The following UGGT1 variants were observed in gnomAD, a reference collection of about 807,000 sequenced individuals.
The protein encoded by UGGT1 is UDP-glucose:glycoprotein glucosyltransferase 1.
UGGT1 carries 107 observed loss-of-function variants against 203.9 expected under a neutral mutation model. That is an observed-to-expected ratio of 0.52 (90% confidence interval 0.45 to 0.62). The LOEUF (loss-of-function observed/expected upper bound fraction) is 0.62. Among genes scored for constraint, UGGT1 ranks in the 20% least tolerant of loss-of-function variants. UGGT1 has a pLI of 0.00. For missense variants in UGGT1, 1,673 were observed against 1,867.2 expected (o/e 0.90, Z 1.92); for synonymous variants, 628 against 653.5 (o/e 0.96, Z 0.59).
At chr2:128,124,181 C>A (rs1393023183) in intron 11 of UGGT1, among the ~76,000 whole-genome samples, 1 of 152,172 alleles carries the variant, frequency 6.6e-6, no homozygotes, top group Non-Finnish European at 1.5e-5. Flanking sequence ...CTCCTGACCT[C>A]ATGATCCACC....
intron 11 of UGGT1, among the ~76,000 whole-genome samples, chr2:128,124,021 C>T (rs1272252803): frequency 6.6e-6 from 1 of 152,196 alleles, no homozygotes; most frequent in African/African-American, 2.4e-5. Flanking sequence ...TCTCAGCTCA[C>T]TGCAAGCTCC....
intron 2 of UGGT1, among the ~76,000 whole-genome samples, chr2:128,103,486 C>T (rs1013278886): frequency 1.3e-5 from 2 of 152,178 alleles, no homozygotes; most frequent in South Asian, 2.1e-4. Flanking sequence ...AATTTTTCTA[C>T]GGTTCATATT....
rs769999041 is a variant in UGGT1, at chr2:128,121,233, T to C, written c.1008T>C (p.Ala336=). The C allele has an allele frequency of 8.7e-6, 14 of 1,613,876 alleles. No individual in the cohort carries two copies. The African/African-American group carries it at 1.9e-4, about 22-fold the overall frequency. ...LSFQTAARIL[A]SPVELALVVM... ...TCCAGACTGCTGCTCGAATCTTGGCTTCTCCTGTTGAGTTGGCTTTGGTTG... is the reference window on the plus strand; with the variant it reads ...TCCAGACTGCTGCTCGAATCTTGGCCTCTCCTGTTGAGTTGGCTTTGGTTG... The change falls in exon 10 of 41, where the codon GCT becomes GCC. Residue 336 remains alanine, a synonymous_variant. Transcript: ENST00000259253.
chr2:128,176,832 T>TC lies in UGGT1; in HGVS notation c.3563dup (p.Asp1189Ter). The TC allele has an allele frequency of 6.2e-7, 1 of 1,613,950 alleles. No individual in the cohort carries two copies. Among genetic ancestry groups the TC allele is most frequent in the Non-Finnish European group, 8.5e-7 (1 of 1,179,974 alleles). ...CGCAAAGCCACGATGGCACTGATTCTCCCCCTGATGCTGATGAGGTGGTTA... is the reference window on the plus strand; with the variant it reads ...CGCAAAGCCACGATGGCACTGATTCTCCCCCCTGATGCTGATGAGGTGGTTA... On this transcript the variant is annotated frameshift_variant, in exon 32 of 41. Coordinates refer to ENST00000259253, the MANE Select transcript of UGGT1 (RefSeq NM_020120.4). LOFTEE classifies it high-confidence loss of function.
intron 16 of UGGT1, among the ~76,000 whole-genome samples, chr2:128,141,248 C>T (rs949798711): frequency 6.6e-6 from 1 of 151,708 alleles, no homozygotes. Context: ...CATTTGAGGT[C>T]AGGAATTCGA....
intron 36 of UGGT1, among the ~76,000 whole-genome samples, chr2:128,181,823 G>A (rs962038780): frequency 3.9e-5 from 6 of 152,190 alleles, no homozygotes; most frequent in Admixed American, 1.3e-4. Flanking sequence ...CAGCAACCCT[G>A]TGAGATAGGT....
At position 128,182,698 on chromosome 2, in the gene UGGT1, C is replaced by CAA. The variant is rs70988612; in HGVS notation, c.4244+422_4244+423dup. Among the ~76,000 whole-genome samples the CAA allele has an allele frequency of 9.8e-4, 116 of 118,266 alleles. 2 individuals carry two copies. The highest frequency in any genetic ancestry group is 5.1e-3 in the East Asian group (21 of 4,154). The allele number at this position is 118,266 out of a possible 152,430, so 77.6% of individuals were successfully genotyped here. A position where few individuals can be genotyped will look rare whatever the true frequency, so the allele number is the denominator to read the frequency against. The stretch of plus-strand genomic sequence containing the variant: ...TGGATGACAGAGTGAGATTCCATCT[C>CAA]AAAAAAAAAAAAAAATACAGTGTAA... On this transcript the variant is annotated intron_variant, in intron 37 of 40. Transcript: ENST00000259253.
At position 128,195,569 on chromosome 2, in the gene UGGT1, A is replaced by T. The variant is rs1692475826; in HGVS notation, c.*5827A>T. ...GCTTGGGAACAGCATTGGGCTTTTA[A>T]ATGTCTGCAGAATCTCTGCGTTCGA... On this transcript the variant is annotated 3_prime_UTR_variant, in exon 41 of 41. Transcript: ENST00000259253. 6.6e-6 allele frequency: 1 copy of T among 152,194 alleles called. No homozygotes were observed. Among genetic ancestry groups the T allele is most frequent in the Non-Finnish European group, 1.5e-5 (1 of 68,030 alleles). 9.4% of individuals were successfully genotyped at this position (152,194 alleles called of 1,614,324 possible).
At chr2:128,116,949 G>T (rs1688130281) in intron 8 of UGGT1, among the ~76,000 whole-genome samples, 1 of 152,082 alleles carries the variant, frequency 6.6e-6, no homozygotes, top group Non-Finnish European at 1.5e-5. Flanking sequence ...AGGAGAAATT[G>T]AATTGTTTCA....
chr2:128,159,260 T>C (rs1274337452), intron 22 of UGGT1, among the ~76,000 whole-genome samples: 1 of 151,824 alleles, frequency 6.6e-6, no homozygotes, highest in Non-Finnish European at 1.5e-5. Context: ...CCACCATGCC[T>C]GGCTAATCTT....
At chr2:128,120,487 A>C in intron 9 of UGGT1, 31 bp downstream of exon 9, 2 of 1,576,966 alleles carry the variant, frequency 1.3e-6, no homozygotes, top group Non-Finnish European at 1.7e-6. Flanking sequence ...TCATTGGCCT[A>C]CTTTTTGGCT....
intron 2 of UGGT1, among the ~76,000 whole-genome samples, chr2:128,100,025 C>A (rs1267671567): frequency 5.0e-5 from 3 of 60,352 alleles, no homozygotes; most frequent in African/African-American, 1.8e-4. Flanking sequence ...ACAACCCCCC[C>A]CCCCACCCTA....
chr2:128,156,291 T>C, intron 20 of UGGT1, 101 bp from the exon 21 acceptor site: 2 of 882,224 alleles, frequency 2.3e-6, no homozygotes, highest in Non-Finnish European at 3.8e-6. Context: ...GGAAGAACCA[T>C]AGACCGTGTT....
intron 11 of UGGT1, among the ~76,000 whole-genome samples, chr2:128,124,107 G>A (rs1021144154): frequency 1.3e-5 from 2 of 151,936 alleles, no homozygotes; most frequent in Admixed American, 1.3e-4. Flanking sequence ...TACCACTCCC[G>A]GCTAATTTTT....
At chr2:128,184,526 C>T (rs1034326440) in intron 38 of UGGT1, among the ~76,000 whole-genome samples, 33 of 152,158 alleles carry the variant, frequency 2.2e-4, no homozygotes, top group African/African-American at 8.0e-4. Flanking sequence ...ATCCTTCCTC[C>T]CTAACAAAAG....
At position 128,180,910 on chromosome 2, in the gene UGGT1, A is replaced by T; in HGVS notation, c.3921A>T (p.Ala1307=). Residue 1307 remains alanine (A), a synonymous_variant, in exon 36 of 41, where the codon GCA becomes GCT. Transcript: ENST00000259253. ...PTFKEFIPYM[A]NEYNFQYELV... is the part of the protein sequence containing the mutation. Reference sequence around the variant, plus strand: ...AATAGGAGTTTATACCTTACATGGCAAATGAATACAATTTCCAGTATGAGC... The same window carrying T: ...AATAGGAGTTTATACCTTACATGGCTAATGAATACAATTTCCAGTATGAGC... The T allele has an allele frequency of 6.2e-7, 1 of 1,613,780 alleles. No homozygotes were observed. The highest frequency in any genetic ancestry group is 8.5e-7 in the Non-Finnish European group (1 of 1,179,876).
intron 18 of UGGT1, among the ~76,000 whole-genome samples, chr2:128,149,054 T>G (rs1689822296): frequency 6.6e-6 from 1 of 152,024 alleles, no homozygotes; most frequent in African/African-American, 2.4e-5. Flanking sequence ...TTACCAAAAC[T>G]TTTTTTGAGA....
intron 37 of UGGT1, among the ~76,000 whole-genome samples, chr2:128,183,058 T>C (rs934178249): frequency 6.6e-6 from 1 of 152,194 alleles, no homozygotes; most frequent in African/African-American, 2.4e-5. Context: ...ATGAATAATC[T>C]ACTAAATAAT....
chr2:128,115,275 A>C, intron 7 of UGGT1, 55 bp downstream of exon 7: 1 of 1,477,102 alleles, frequency 6.8e-7, no homozygotes, highest in East Asian at 2.3e-5. Flanking sequence ...GTTAAAGGGG[A>C]GTTTGTTTCC....
Sources: allele counts gnomAD v4.1 joint callset (sites outside exome capture counted in the v4.1 genomes callset), GRCh38; gene constraint gnomAD v4.1.1; transcripts MANE v1.5; gene names NCBI Gene and HGNC (gene_info 2026-07-23, HGNC 2026-07-21).